Variants in PI15 observed in about 807,000 individuals in gnomAD.
PI15 encodes the protein 25 kDa trypsin inhibitor.
PI15 carries 18 observed loss-of-function variants against 31.0 expected under a neutral mutation model. The ratio of observed to expected loss-of-function variants is 0.58; its 90% CI spans 0.40 to 0.86. The LOEUF is 0.86. PI15 is among the 40% of genes least tolerant of loss of function. The pLI, the probability that PI15 is intolerant of heterozygous loss-of-function variation, is 0.00. For synonymous variants in PI15, 118 were observed against 119.1 expected (o/e 0.99, Z 0.06); for missense variants, 282 against 328.1 (o/e 0.86, Z 1.09).
Position 74,853,979 on chromosome 8 carries a change from C to A in PI15, c.*4726C>A, listed in dbSNP as rs1010345748. The A allele has an allele frequency of 4.0e-5, 6 of 151,764 alleles. No individual in the cohort carries two copies. Among genetic ancestry groups the A allele is most frequent in the Admixed American group, 1.3e-4 (2 of 15,228 alleles). 9.4% of individuals were successfully genotyped at this position (151,764 alleles called of 1,614,324 possible). A position where few individuals can be genotyped will look rare whatever the true frequency, so the allele number is the denominator to read the frequency against. On this transcript the variant is annotated 3_prime_UTR_variant, in exon 6 of 6. Coordinates refer to ENST00000260113, the MANE Select transcript of PI15 (RefSeq NM_015886.5). ...AGTGATCATTTATTTTTATTTAGCA[C>A]AGGTCATAAGAAAAATATATAGAAA...
rs186181020 is a variant in PI15 at position 74,854,757 on chromosome 8, A to G, written c.*5504A>G. 1.3e-5 allele frequency: 2 copies of G among 152,250 alleles called. No homozygotes were observed. The highest frequency in any genetic ancestry group is 3.9e-4 in the East Asian group (2 of 5,184). The allele number at this position is 152,250 out of a possible 1,614,324, so 9.4% of individuals were successfully genotyped here. On this transcript the variant is annotated 3_prime_UTR_variant, in exon 6 of 6. Coordinates refer to ENST00000260113, the MANE Select transcript of PI15 (RefSeq NM_015886.5). ...ATTGTGATGCATATATATAAACACT[A>G]TTTTTAAAAAATATCTAAATATGTC...
rs116757308 is a variant in PI15 at position 74,830,092 on chromosome 8, C to T, written c.273+4570C>T. On this transcript the variant is annotated intron_variant, in intron 2 of 5. Coordinates refer to ENST00000260113, the MANE Select transcript of PI15 (RefSeq NM_015886.5). ...AAGTGACCAGAGAGGTGGTAACTCC[C>T]GAGTAAGCAATGCCAATCCTTCAGG... Among the ~76,000 whole-genome samples the T allele has an allele frequency of 4.0e-3, 614 of 152,008 alleles. 3 individuals are homozygous for T. The highest frequency in any genetic ancestry group is 0.014 in the African/African-American group (581 of 41,458).
chr8:74,832,124 C>T (rs958507544), intron 2 of PI15, among the ~76,000 whole-genome samples: 6 of 151,920 alleles, frequency 3.9e-5, no homozygotes, highest in Non-Finnish European at 5.9e-5. Context: ...AAATTAGAAC[C>T]GTGAAATATG....
chr8:74,828,674 C>T (rs1162300527), intron 2 of PI15, among the ~76,000 whole-genome samples: 1 of 152,100 alleles, frequency 6.6e-6, no homozygotes, highest in African/African-American at 2.4e-5. Flanking sequence ...TCACTTGATA[C>T]CTCACAGATA....
chr8:74,835,447 G>T (rs1810848642), intron 2 of PI15, among the ~76,000 whole-genome samples: 1 of 152,110 alleles, frequency 6.6e-6, no homozygotes, highest in South Asian at 2.1e-4. Context: ...CCTAAAATGT[G>T]CTTTAAGATC....
Position 74,843,964 on chromosome 8 carries a change from A to T in PI15, c.274-17A>T. 1 of 1,251,322 alleles carries T rather than the reference A, an allele frequency of 8.0e-7. No homozygotes were observed. Among genetic ancestry groups the T allele is most frequent in the Non-Finnish European group, 1.2e-6 (1 of 848,704 alleles). 77.5% of individuals were successfully genotyped at this position (1,251,322 alleles called of 1,614,324 possible). ...ATCAGCAAATTCCGTAACGCTGAAGATTTTTTTCCCCTACAGGTTTGGGAT... is the reference window on the plus strand; with the variant it reads ...ATCAGCAAATTCCGTAACGCTGAAGTTTTTTTTCCCCTACAGGTTTGGGAT... On this transcript the variant is annotated splice_polypyrimidine_tract_variant and intron_variant, in intron 2 of 5. Coordinates refer to ENST00000260113, the MANE Select transcript of PI15 (RefSeq NM_015886.5).
chr8:74,846,285 G>C (rs1811024094), intron 5 of PI15, among the ~76,000 whole-genome samples: 1 of 152,154 alleles, frequency 6.6e-6, no homozygotes, highest in Non-Finnish European at 1.5e-5. Context: ...GTGGTAGTAT[G>C]CCAGTGGCAG....
chr8:74,828,742 A>C (rs965455192), intron 2 of PI15, among the ~76,000 whole-genome samples: 2 of 152,068 alleles, frequency 1.3e-5, no homozygotes, highest in Non-Finnish European at 2.9e-5. Flanking sequence ...GATATCACCC[A>C]AGGGAACTTA....
At chr8:74,837,176 A>G (rs898635809) in intron 2 of PI15, among the ~76,000 whole-genome samples, 1 of 152,026 alleles carries the variant, frequency 6.6e-6, no homozygotes, top group African/African-American at 2.4e-5. Flanking sequence ...TCACCTTTAT[A>G]TTTTTTGATA....
At chr8:74,843,307 G>C (rs1202229245) in intron 2 of PI15, among the ~76,000 whole-genome samples, 2 of 152,130 alleles carry the variant, frequency 1.3e-5, no homozygotes, top group African/African-American at 2.4e-5. Flanking sequence ...ATGAATGTTG[G>C]ATCTAGATGA....
Position 74,854,387 on chromosome 8 carries a change from A to G in PI15, c.*5134A>G, listed in dbSNP as rs1186999162. On this transcript the variant is annotated 3_prime_UTR_variant, in exon 6 of 6. Transcript: ENST00000260113. ...CATGCAAAACTCCAACCTGTAGTAT[A>G]CATAAAATGGACTTACTTATTCCTC... The G allele has an allele frequency of 6.6e-6, 1 of 152,100 alleles. No individual in the cohort carries two copies. Among genetic ancestry groups the G allele is most frequent in the African/African-American group, 2.4e-5 (1 of 41,454 alleles). The allele number at this position is 152,100 out of a possible 1,614,324, so 9.4% of individuals were successfully genotyped here.
chr8:74,852,834 CTT>C lies in PI15; in HGVS notation c.*3583_*3584del, dbSNP rs1811126624. 1 of 152,046 alleles carries C rather than the reference CTT, an allele frequency of 6.6e-6. No individual in the cohort carries two copies. The highest frequency in any genetic ancestry group is 6.6e-5 in the Admixed American group (1 of 15,262). The allele number at this position is 152,046 out of a possible 1,614,324, so 9.4% of individuals were successfully genotyped here. On this transcript the variant is annotated 3_prime_UTR_variant, in exon 6 of 6. Coordinates refer to ENST00000260113, the MANE Select transcript of PI15 (RefSeq NM_015886.5). ...CTATGAAGGAAAAATAATGCTTAGACTTTGGTGTAGGTTCTTCCTGTGTAGCC... is the reference window on the plus strand; with the variant it reads ...CTATGAAGGAAAAATAATGCTTAGACTGGTGTAGGTTCTTCCTGTGTAGCC...
At position 74,825,254 on chromosome 8, in the gene PI15, T is replaced by G. The variant is rs531766347; in HGVS notation, c.5T>G (p.Ile2Arg). 6.2e-7 allele frequency: 1 copy of G among 1,612,888 alleles called. No individual in the cohort carries two copies. Among genetic ancestry groups the G allele is most frequent in the South Asian group, 1.1e-5 (1 of 91,016 alleles). Residue 2 changes from isoleucine (I) to arginine (R), a missense_variant, in exon 2 of 6, where the codon ATA becomes AGA. Physicochemically the swap from Ile to Arg is moderately conservative, Grantham distance 97 (BLOSUM62 -3). Transcript: ENST00000260113. M[I>R]AISAVSSALL... is the part of the protein sequence containing the mutation. Reference sequence around the variant, plus strand: ...TCTTCTTCTCCACCCCTCAAAATGATAGCAATCTCTGCCGTCAGCAGTGCA... The same window carrying G: ...TCTTCTTCTCCACCCCTCAAAATGAGAGCAATCTCTGCCGTCAGCAGTGCA...
At chr8:74,839,290 G>C (rs1344562831) in intron 2 of PI15, among the ~76,000 whole-genome samples, 1 of 152,134 alleles carries the variant, frequency 6.6e-6, no homozygotes, top group Non-Finnish European at 1.5e-5. Flanking sequence ...AGCTCATGGT[G>C]AATATTTTAG....
At chr8:74,831,922 G>A (rs2128763915) in intron 2 of PI15, among the ~76,000 whole-genome samples, 1 of 152,114 alleles carries the variant, frequency 6.6e-6, no homozygotes, top group East Asian at 1.9e-4. Flanking sequence ...AAAGAGTGAT[G>A]TTTGATGAAG....
In PI15 at chr8:74,850,301, A is replaced by G. The variant is rs1462028775; in HGVS notation, c.*1048A>G. 6.6e-6 allele frequency: 1 copy of G among 152,236 alleles called. No individual in the cohort carries two copies. The highest frequency in any genetic ancestry group is 6.5e-5 in the Admixed American group (1 of 15,280). The allele number at this position is 152,236 out of a possible 1,614,324, so 9.4% of individuals were successfully genotyped here. On this transcript the variant is annotated 3_prime_UTR_variant, in exon 6 of 6. Coordinates refer to ENST00000260113, the MANE Select transcript of PI15 (RefSeq NM_015886.5). ...GCTGTGACTTTGGAAAACAGAAAGT[A>G]AGACCCTCAGAAAACCAATGAAGTC...
intron 2 of PI15, among the ~76,000 whole-genome samples, chr8:74,827,775 G>A (rs1810720773): frequency 6.6e-6 from 1 of 152,128 alleles, no homozygotes; most frequent in African/African-American, 2.4e-5. Flanking sequence ...TAATATCCAT[G>A]CTCTATTTAT....
chr8:74,842,849 T>G (rs1196850720), intron 2 of PI15, among the ~76,000 whole-genome samples: 1 of 152,206 alleles, frequency 6.6e-6, no homozygotes, highest in African/African-American at 2.4e-5. Flanking sequence ...AAGCAACAGT[T>G]GCTATTTTTC....
chr8:74,846,143 C>A (rs113883786), intron 5 of PI15, among the ~76,000 whole-genome samples: 1 of 152,082 alleles, frequency 6.6e-6, no homozygotes, highest in Non-Finnish European at 1.5e-5. Context: ...GAATAAATAC[C>A]AAAATGTGCA....
Sources: allele counts gnomAD v4.1 joint callset (sites outside exome capture counted in the v4.1 genomes callset), GRCh38; gene constraint gnomAD v4.1.1; transcripts MANE v1.5; gene names NCBI Gene and HGNC (gene_info 2026-07-23, HGNC 2026-07-21).